Variants in OPA3 observed in about 807,000 individuals in gnomAD.
OPA3 encodes optic atrophy 3 protein.
In OPA3, 6 loss-of-function variants were observed where a neutral mutation model predicts 4.0. The observed-to-expected ratio is 1.51, with a 90% CI of 0.83 to 2.99. OPA3 has a LOEUF of 2.99. Among genes scored for constraint, OPA3 ranks in the 30% most tolerant of loss-of-function variants. OPA3 has a pLI of 0.00. For synonymous variants in OPA3, 105 were observed against 117.1 expected (o/e 0.90, Z 0.67); for missense variants, 235 against 256.2 (o/e 0.92, Z 0.56).
chr19:45,541,327 A>C (rs1312264414), downstream of OPA3, among the ~76,000 whole-genome samples: 1 of 152,116 alleles, frequency 6.6e-6, no homozygotes, highest in Non-Finnish European at 1.5e-5. Context: ...ACTAGATTTT[A>C]CAGAGCCCCC....
intron 1 of OPA3, among the ~76,000 whole-genome samples, chr19:45,562,346 AAAAAAAAAAAAAAAAAAG>A (rs1969515562): frequency 1.6e-5 from 1 of 61,868 alleles, no homozygotes. Flanking sequence ...TCCATCTCAA[AAAAAAAAAAAAAAAAAAG>A]AAAAGAAAAA....
At chr19:45,574,480 C>T (rs1009929553) in intron 1 of OPA3, among the ~76,000 whole-genome samples, 2 of 152,102 alleles carry the variant, frequency 1.3e-5, no homozygotes, top group South Asian at 2.1e-4. Flanking sequence ...GGGCATGTCC[C>T]GGGCCAGGGC....
At chr19:45,572,371 C>T (rs1204384852) in intron 1 of OPA3, among the ~76,000 whole-genome samples, 5 of 121,080 alleles carry the variant, frequency 4.1e-5, no homozygotes, top group South Asian at 2.5e-4. Context: ...AGATATATAT[C>T]GATATATATC....
chr19:45,579,339 G>T (rs1414137698), intron 1 of OPA3, among the ~76,000 whole-genome samples: 1 of 152,072 alleles, frequency 6.6e-6, no homozygotes, highest in African/African-American at 2.4e-5. Context: ...TCCTGCCTAA[G>T]CCTCCTAAGT....
rs1353950286 is a variant in OPA3 at position 45,547,924 on chromosome 19, C to G, written c.*5590G>C. On this transcript the variant is annotated 3_prime_UTR_variant, in exon 2 of 2. Transcript: ENST00000263275. ...GTCGGTCAGGCTGGTCTCGAACTCC[C>G]GACCTCAGGGGATTGGCCCGCCTCG... 1 of 165,248 alleles carries G rather than the reference C, an allele frequency of 6.1e-6. No individual in the cohort carries two copies. The allele number at this position is 165,248 out of a possible 1,614,324, so 10.2% of individuals were successfully genotyped here.
intron 1 of OPA3, among the ~76,000 whole-genome samples, chr19:45,581,739 G>C (rs1329024884): frequency 1.3e-5 from 2 of 152,224 alleles, no homozygotes; most frequent in Non-Finnish European, 2.9e-5. Context: ...GATTCATCAA[G>C]AGAGGAGAAC....
chr19:45,561,032 G>C (rs1027279346), intron 1 of OPA3, among the ~76,000 whole-genome samples: 99 of 152,086 alleles, frequency 6.5e-4, no homozygotes, highest in African/African-American at 2.3e-3. Context: ...GGGCTCGGGA[G>C]CTTATGCACA....
rs80356525 is a variant in OPA3, at chr19:45,553,741, G to C, written c.313C>G (p.Gln105Glu). 1 of 1,611,558 alleles carries C rather than the reference G, an allele frequency of 6.2e-7. No individual in the cohort carries two copies. Among genetic ancestry groups the C allele is most frequent in the Non-Finnish European group, 8.5e-7 (1 of 1,179,718 alleles). Reference sequence around the variant, plus strand: ...TCCTCCTTGTGGCGCTGCTGCGCCTGGTGGCGCCAGTACTCCAGCACTAGG... The same window carrying C: ...TCCTCCTTGTGGCGCTGCTGCGCCTCGTGGCGCCAGTACTCCAGCACTAGG... ...GCLVLEYWRHQAQQRHKEEEQ... is the reference protein window; with the variant it reads ...GCLVLEYWRHEAQQRHKEEEQ... The change falls in exon 2 of 2, where the codon CAG becomes GAG. Residue 105 changes from glutamine (Q) to glutamate (E), a missense_variant. By Grantham distance (29) the Gln-to-Glu change is conservative. Transcript: ENST00000263275.
chr19:45,578,560 G>A (rs1252967992), intron 1 of OPA3, among the ~76,000 whole-genome samples: 1 of 152,168 alleles, frequency 6.6e-6, no homozygotes, highest in Admixed American at 6.6e-5. Context: ...AGGCGTGGTG[G>A]CTCATGCCTG....
chr19:45,581,863 AT>A (rs2122522305), intron 1 of OPA3, among the ~76,000 whole-genome samples: 1 of 152,250 alleles, frequency 6.6e-6, no homozygotes, highest in South Asian at 2.1e-4. Flanking sequence ...CAGTGGTGCA[AT>A]CTCGGATCAC....
chr19:45,564,984 C>G (rs8112918), intron 1 of OPA3, among the ~76,000 whole-genome samples: 3 of 150,072 alleles, frequency 2.0e-5, no homozygotes, highest in African/African-American at 7.4e-5. Flanking sequence ...CCCAGCACTT[C>G]GGGAGACCGA....
At chr19:45,577,725 CCT>C (rs1412521357) in intron 1 of OPA3, among the ~76,000 whole-genome samples, 2 of 152,190 alleles carry the variant, frequency 1.3e-5, no homozygotes, top group Non-Finnish European at 2.9e-5. Flanking sequence ...AACAAATAGA[CCT>C]CAGGAGTCCC....
Position 45,553,460 on chromosome 19 carries a change from G to C in OPA3, c.*54C>G. 6.2e-7 allele frequency: 1 copy of C among 1,608,076 alleles called. No individual in the cohort carries two copies. Among genetic ancestry groups the C allele is most frequent in the Non-Finnish European group, 8.5e-7 (1 of 1,179,882 alleles). ...GCAGGCAAGGGTGGTGCGGGAAGAA[G>C]GCCACGTTAGGTACATAGGCCATGT... On this transcript the variant is annotated 3_prime_UTR_variant, in exon 2 of 2. Transcript: ENST00000263275.
rs1002112879 is a variant in OPA3, at chr19:45,584,494, C to A, written c.142+129G>T. 5 of 1,570,944 alleles carry A rather than the reference C, an allele frequency of 3.2e-6. No homozygotes were observed. The African/African-American group carries it at 6.7e-5, about 21-fold the overall frequency. On this transcript the variant is annotated intron_variant, in intron 1 of 1. Transcript: ENST00000263275. ...GTACGCCCCTCTATCAGAAACCCCC[C>A]ACTATTGGCCACTGGACTTTGCCGG...
chr19:45,579,353 T>A (rs1439036751), intron 1 of OPA3, among the ~76,000 whole-genome samples: 1 of 152,108 alleles, frequency 6.6e-6, no homozygotes, highest in Non-Finnish European at 1.5e-5. Context: ...CCTAAGTAAC[T>A]GGGATTACAG....
At position 45,551,948 on chromosome 19, in the gene OPA3, T is replaced by G. The variant is rs1969339035; in HGVS notation, c.*1566A>C. 1 of 985,342 alleles carries G rather than the reference T, an allele frequency of 1.0e-6. No individual in the cohort carries two copies. The highest frequency in any genetic ancestry group is 1.2e-6 in the Non-Finnish European group (1 of 830,044). The allele number at this position is 985,342 out of a possible 1,614,324, so 61.0% of individuals were successfully genotyped here. On this transcript the variant is annotated 3_prime_UTR_variant, in exon 2 of 2. Transcript: ENST00000263275. Reference sequence around the variant, plus strand: ...AAGGTGGGGAAGGCAAGAAAGGACATGCCACACAGTACAAGCTCCAGGGAC... The same window carrying G: ...AAGGTGGGGAAGGCAAGAAAGGACAGGCCACACAGTACAAGCTCCAGGGAC...
intron 1 of OPA3, among the ~76,000 whole-genome samples, chr19:45,572,781 CTATA>C (rs60247518): frequency 4.4e-5 from 4 of 89,970 alleles, no homozygotes; most frequent in Non-Finnish European, 8.0e-5. Flanking sequence ...ATATATCATA[CTATA>C]TATAGATATA....
chr19:45,558,896 T>G (rs1302384767), intron 1 of OPA3, among the ~76,000 whole-genome samples: 1 of 151,944 alleles, frequency 6.6e-6, no homozygotes, highest in Non-Finnish European at 1.5e-5. Flanking sequence ...GGTGCTTTTT[T>G]TTTTGATACA....
At position 45,550,963 on chromosome 19, in the gene OPA3, AG is replaced by A. The variant is rs908533849; in HGVS notation, c.*2550del. ...GGCCCGCGGGGTTGGCAGGAGTCCC[AG>A]GGTACTTTTTTTCTGAGAAAGGGTC... On this transcript the variant is annotated 3_prime_UTR_variant, in exon 2 of 2. Coordinates refer to ENST00000263275, the MANE Select transcript of OPA3 (RefSeq NM_025136.4). The A allele has an allele frequency of 9.1e-6, 9 of 985,434 alleles. No individual in the cohort carries two copies. The African/African-American group carries it at 1.6e-4, about 17-fold the overall frequency. 61.0% of individuals were successfully genotyped at this position (985,434 alleles called of 1,614,324 possible). A position where few individuals can be genotyped will look rare whatever the true frequency, so the allele number is the denominator to read the frequency against.
Sources: gnomAD v4.1 joint callset for allele counts (sites outside exome capture counted in the v4.1 genomes callset) on GRCh38, gnomAD v4.1.1 for gene constraint, MANE v1.5 for transcripts, NCBI Gene and HGNC (gene_info 2026-07-23, HGNC 2026-07-21) for gene names.